CCSER2: variants seen among roughly 807,000 people sequenced by gnomAD.
CCSER2 encodes the protein serine-rich coiled-coil domain-containing protein 2.
CCSER2 carries 46 observed loss-of-function variants against 92.3 expected under a neutral mutation model. The ratio of observed to expected loss-of-function variants is 0.50; its 90% CI spans 0.39 to 0.64. CCSER2 has a LOEUF of 0.64. Among genes scored for constraint, CCSER2 ranks in the 30% least tolerant of loss-of-function variants. The probability of loss-of-function intolerance (pLI) is 0.00; values close to 1 mark genes in which losing one functional copy is unlikely to be tolerated. For synonymous variants in CCSER2, 433 were observed against 431.4 expected (o/e 1.00, Z -0.04); for missense variants, 1,244 against 1,238.9 (o/e 1.00, Z -0.06).
At chr10:84,401,063 G>A (rs923241020) in intron 3 of CCSER2, among the ~76,000 whole-genome samples, 2 of 152,142 alleles carry the variant, frequency 1.3e-5, no homozygotes, top group Non-Finnish European at 2.9e-5. Flanking sequence ...AACTAAAGCA[G>A]TGCTTAGAAG....
At chr10:84,495,585 G>A (rs1371335360) in intron 9 of CCSER2, among the ~76,000 whole-genome samples, 1 of 152,080 alleles carries the variant, frequency 6.6e-6, no homozygotes, top group Non-Finnish European at 1.5e-5. Context: ...TAGATTTGGC[G>A]ATTCTCTCAG....
At chr10:84,431,602 C>T (rs1233032464) in intron 5 of CCSER2, among the ~76,000 whole-genome samples, 1 of 152,002 alleles carries the variant, frequency 6.6e-6, no homozygotes, top group East Asian at 1.9e-4. Context: ...ATTAGCTGGG[C>T]GTGGTGGCAC....
intron 1 of CCSER2, among the ~76,000 whole-genome samples, chr10:84,358,625 A>AAT (rs372786833): frequency 0.022 from 3,218 of 148,074 alleles, 109 homozygotes; most frequent in African/African-American, 0.075. Flanking sequence ...ACCCTATCTA[A>AAT]ATATATATAT....
intron 7 of CCSER2, among the ~76,000 whole-genome samples, chr10:84,468,087 C>T (rs1262887515): frequency 6.6e-6 from 1 of 152,142 alleles, no homozygotes; most frequent in Non-Finnish European, 1.5e-5. Context: ...GTTTACTAGC[C>T]AATTGCTTCT....
chr10:84,425,339 A>G (rs1190328867), intron 4 of CCSER2: 1 of 199,234 alleles, frequency 5.0e-6, no homozygotes, highest in Non-Finnish European at 9.0e-6. Context: ...TTCTCTTAAA[A>G]ATCTGCTGTT....
chr10:84,353,071 C>T lies in CCSER2; in HGVS notation c.-39-17943C>T, dbSNP rs113919267. Among the ~76,000 whole-genome samples, 385 of 152,308 alleles carry T rather than the reference C, an allele frequency of 2.5e-3. 1 individual carries two copies. The highest frequency in any genetic ancestry group is 8.4e-3 in the African/African-American group (350 of 41,562). ...CCTCCCAAAGTGCTGGGATTACGGG[C>T]GTGAGCCACCGCGCCCAGCCTAAGA... On this transcript the variant is annotated intron_variant, in intron 1 of 9. Coordinates refer to ENST00000372088, the MANE Select transcript of CCSER2 (RefSeq NM_001284240.2).
At chr10:84,415,383 T>A (rs1842841282) in intron 3 of CCSER2, among the ~76,000 whole-genome samples, 1 of 152,258 alleles carries the variant, frequency 6.6e-6, no homozygotes, top group Admixed American at 6.5e-5. Context: ...TTTGTTTTTC[T>A]TTTAACAGTC....
chr10:84,473,281 T>G (rs1846928427), intron 8 of CCSER2: 1 of 152,174 alleles, frequency 6.6e-6, no homozygotes, highest in Non-Finnish European at 1.5e-5. Flanking sequence ...TGTGGTGTAT[T>G]CAGCTAGAAA....
rs1564667486 is a variant in CCSER2, at chr10:84,441,735, TG to T, written c.2064+3029del. Among the ~76,000 whole-genome samples the T allele has an allele frequency of 3.5e-3, 142 of 40,710 alleles. 2 individuals carry two copies. Among genetic ancestry groups the T allele is most frequent in the Non-Finnish European group, 5.7e-3 (95 of 16,640 alleles). The allele number at this position is 40,710 out of a possible 152,430, so 26.7% of individuals were successfully genotyped here. A position where few individuals can be genotyped will look rare whatever the true frequency, so the allele number is the denominator to read the frequency against. On this transcript the variant is annotated intron_variant, in intron 6 of 9. Transcript: ENST00000372088. ...GGAATAAAGTAGAAGACTGGGAAAA[TG>T]TTTTTTTTTTTTTTTTTTTTTTTTT...
chr10:84,457,315 AAT>A (rs1845753239), intron 6 of CCSER2, among the ~76,000 whole-genome samples: 1 of 59,352 alleles, frequency 1.7e-5, no homozygotes, highest in Non-Finnish European at 3.3e-5. Flanking sequence ...TGTTATATAT[AAT>A]ATATTATATA....
At chr10:84,329,815 C>T (rs944009325) in intron 1 of CCSER2, among the ~76,000 whole-genome samples, 3 of 152,208 alleles carry the variant, frequency 2.0e-5, no homozygotes, top group African/African-American at 7.2e-5. Flanking sequence ...TGCCTGAAAT[C>T]AGTCTTCTTC....
rs1355870303 is a variant in CCSER2, at chr10:84,371,473, A to G, written c.421A>G (p.Lys141Glu). 4 of 1,613,814 alleles carry G rather than the reference A, an allele frequency of 2.5e-6. No homozygotes were observed. Among genetic ancestry groups the G allele is most frequent in the Non-Finnish European group, 3.4e-6 (4 of 1,179,912 alleles). ...FVSSTEELNQ[K>E]SFSGPSNLGK... is the part of the protein sequence containing the mutation. ...GTCATCTACAGAGGAGTTAAACCAA[A>G]AGTCTTTTTCTGGACCATCTAATTT... Residue 141 changes from lysine to glutamate, a missense_variant, in exon 2 of 10, where the codon AAG becomes GAG. Physicochemically the swap from Lys to Glu is moderately conservative, Grantham distance 56. Transcript: ENST00000372088.
At chr10:84,482,012 C>T (rs1383761586) in intron 9 of CCSER2, among the ~76,000 whole-genome samples, 1 of 152,034 alleles carries the variant, frequency 6.6e-6, no homozygotes, top group East Asian at 1.9e-4. Context: ...TCACATGTAG[C>T]TAATTGACAT....
intron 6 of CCSER2, among the ~76,000 whole-genome samples, chr10:84,460,370 G>T (rs1846038426): frequency 6.6e-6 from 1 of 151,262 alleles, no homozygotes; most frequent in African/African-American, 2.4e-5. Context: ...CTCCCAAAGT[G>T]CTGGGATTAC....
chr10:84,477,462 T>G, intron 8 of CCSER2, 113 bp from the exon 9 acceptor site: 1 of 515,186 alleles, frequency 1.9e-6, no homozygotes, highest in Non-Finnish European at 3.4e-6. Flanking sequence ...TATAGGTAAT[T>G]TAGTTTTGCT....
intron 9 of CCSER2, among the ~76,000 whole-genome samples, chr10:84,497,091 T>C (rs1848495787): frequency 6.6e-6 from 1 of 152,206 alleles, no homozygotes; most frequent in African/African-American, 2.4e-5. Context: ...AGGGTGGTTA[T>C]ATTTAATAGA....
chr10:84,394,424 T>TGTGTGTGTGTGTG (rs1554840062), intron 3 of CCSER2, among the ~76,000 whole-genome samples: 1 of 147,082 alleles, frequency 6.8e-6, no homozygotes, highest in East Asian at 2.0e-4. Context: ...TGTGTGTGTG[T>TGTGTGTGTGTGTG]TGGGTCATTC....
intron 1 of CCSER2, among the ~76,000 whole-genome samples, chr10:84,343,772 A>G (rs1003634659): frequency 3.9e-5 from 6 of 152,216 alleles, no homozygotes; most frequent in Admixed American, 6.5e-5. Context: ...TCTTGTAGAC[A>G]TTTTATTAAT....
chr10:84,338,873 C>T (rs532606825), intron 1 of CCSER2, among the ~76,000 whole-genome samples: 8 of 152,246 alleles, frequency 5.3e-5, no homozygotes, highest in South Asian at 4.1e-4. Flanking sequence ...TTATATGCCT[C>T]TTTTCGTGGT....
Sources: allele counts gnomAD v4.1 joint callset (sites outside exome capture counted in the v4.1 genomes callset), GRCh38; gene constraint gnomAD v4.1.1; transcripts MANE v1.5; gene names NCBI Gene and HGNC (gene_info 2026-07-23, HGNC 2026-07-21).